Variants in ZNF354B observed in about 807,000 individuals in gnomAD.
ZNF354B encodes zinc finger protein 354B.
Under a neutral mutation model 12.9 loss-of-function variants are expected in ZNF354B, and 10 were observed. The ratio of observed to expected loss-of-function variants is 0.77; its 90% CI spans 0.48 to 1.31. ZNF354B has a LOEUF of 1.31. Among genes scored for constraint, ZNF354B ranks in the 40% most tolerant of loss-of-function variants. The probability of loss-of-function intolerance (pLI) is 0.00; values close to 1 mark genes in which losing one functional copy is unlikely to be tolerated. For missense variants in ZNF354B, 614 were observed against 711.7 expected, an observed-to-expected ratio of 0.86 and a Z score of 1.56; for synonymous variants, 260 against 243.7, an observed-to-expected ratio of 1.07 and a Z score of -0.62.
chr5:178,864,748 G>A (rs1478814232), intron 2 of ZNF354B, among the ~76,000 whole-genome samples: 4 of 151,614 alleles, frequency 2.6e-5, no homozygotes, highest in South Asian at 4.2e-4. Flanking sequence ...TCAACCTCCC[G>A]AGTAGCTGGG....
chr5:178,874,884 T>A (rs1288038676), intron 4 of ZNF354B, among the ~76,000 whole-genome samples: 1 of 152,226 alleles, frequency 6.6e-6, no homozygotes, highest in East Asian at 1.9e-4. Flanking sequence ...TGATGTAATT[T>A]GAGTATAGTC....
At chr5:178,862,659 C>A (rs546541082) in intron 2 of ZNF354B, among the ~76,000 whole-genome samples, 1 of 152,224 alleles carries the variant, frequency 6.6e-6, no homozygotes, top group Non-Finnish European at 1.5e-5. Context: ...TGAGCCGCCG[C>A]GCCTGGCGGC....
chr5:178,868,888 C>T (rs1312987489), intron 4 of ZNF354B, among the ~76,000 whole-genome samples: 3 of 151,142 alleles, frequency 2.0e-5, no homozygotes, highest in Non-Finnish European at 4.4e-5. Flanking sequence ...AGGAGAATGG[C>T]GTGAACCCGG....
intron 4 of ZNF354B, among the ~76,000 whole-genome samples, chr5:178,875,089 C>G (rs1035026765): frequency 1.2e-4 from 19 of 152,112 alleles, no homozygotes. Context: ...CTATGTGACT[C>G]CTCTGTATTT....
chr5:178,866,620 C>G (rs561530310), intron 3 of ZNF354B, among the ~76,000 whole-genome samples: 19 of 152,268 alleles, frequency 1.2e-4, no homozygotes, highest in Non-Finnish European at 2.8e-4. Flanking sequence ...GAAATTCTCT[C>G]ATAGTTCAGG....
At position 178,866,224 on chromosome 5, in the gene ZNF354B, G is replaced by C; in HGVS notation, c.34-20G>C. On this transcript the variant is annotated intron_variant, in intron 2 of 4. Transcript: ENST00000322434. Reference sequence around the variant, plus strand: ...CTGTGAGGGTGGTCCTGGGTGAGCTGGAACGACTTGTCCTTACAGGTGTCA... The same window carrying C: ...CTGTGAGGGTGGTCCTGGGTGAGCTCGAACGACTTGTCCTTACAGGTGTCA... 6.2e-7 allele frequency: 1 copy of C among 1,613,192 alleles called. No individual in the cohort carries two copies. Among genetic ancestry groups the C allele is most frequent in the Non-Finnish European group, 8.5e-7 (1 of 1,179,462 alleles).
chr5:178,879,491 C>T (rs1399936321), intron 4 of ZNF354B, among the ~76,000 whole-genome samples: 2 of 151,578 alleles, frequency 1.3e-5, no homozygotes, highest in Non-Finnish European at 1.5e-5. Flanking sequence ...GCCATTCTCC[C>T]GTCTCAGCCT....
intron 4 of ZNF354B, among the ~76,000 whole-genome samples, chr5:178,872,254 G>A (rs910452320): frequency 1.1e-4 from 16 of 147,072 alleles, no homozygotes; most frequent in Middle Eastern, 3.4e-3. Context: ...AACGTTATGG[G>A]ATTTTTTTTT....
chr5:178,863,364 C>G (rs1488941673), intron 2 of ZNF354B, among the ~76,000 whole-genome samples: 2 of 151,260 alleles, frequency 1.3e-5, no homozygotes, highest in East Asian at 3.9e-4. Context: ...AATAAAAGAC[C>G]ATAAATGTGA....
intron 2 of ZNF354B, 55 bp from the exon 3 acceptor site, chr5:178,866,189 C>T: frequency 1.2e-6 from 2 of 1,601,890 alleles, no homozygotes; most frequent in Non-Finnish European, 1.7e-6. Context: ...CCACTGCCGC[C>T]CCCTCCACTC....
intron 4 of ZNF354B, among the ~76,000 whole-genome samples, chr5:178,880,635 A>C (rs1488339250): frequency 2.0e-5 from 3 of 151,776 alleles, no homozygotes; most frequent in African/African-American, 7.3e-5. Context: ...CCAGGACTGC[A>C]GATGAGTGCC....
At chr5:178,867,186 T>G (rs1286835507) in intron 4 of ZNF354B, 115 bp downstream of exon 4, 2 of 1,026,492 alleles carry the variant, frequency 1.9e-6, no homozygotes, top group African/African-American at 3.2e-5. Context: ...CCTCAAGAAG[T>G]GGTGGGGAAG....
chr5:178,875,789 G>C (rs144004422), intron 4 of ZNF354B, among the ~76,000 whole-genome samples: 2 of 152,158 alleles, frequency 1.3e-5, no homozygotes, highest in African/African-American at 4.8e-5. Context: ...CCCAGATGAA[G>C]GCTTCACTGT....
At chr5:178,875,331 T>A (rs1019802492) in intron 4 of ZNF354B, among the ~76,000 whole-genome samples, 2 of 152,162 alleles carry the variant, frequency 1.3e-5, no homozygotes, top group African/African-American at 4.8e-5. Flanking sequence ...CCTAAAGAGA[T>A]GCAGAACCAC....
chr5:178,865,377 C>T (rs1057023149), intron 2 of ZNF354B, among the ~76,000 whole-genome samples: 2 of 152,118 alleles, frequency 1.3e-5, no homozygotes, highest in African/African-American at 2.4e-5. Context: ...AAGCGATTCT[C>T]CTGCCTCAGC....
Position 178,868,427 on chromosome 5 carries a change from C to T in ZNF354B, c.256+1356C>T, listed in dbSNP as rs201757134. ...TGGCTCTGGGGGATCAAGGTTGAAC[C>T]CTCGCCCACAGCTTTGTATAGCATT... On this transcript the variant is annotated intron_variant, in intron 4 of 4. Transcript: ENST00000322434. Among the ~76,000 whole-genome samples, 7 of 150,594 alleles carry T rather than the reference C, an allele frequency of 4.6e-5. No individual in the cohort carries two copies. In the East Asian group the frequency reaches 1.4e-3, roughly 29 times the overall value.
intron 4 of ZNF354B, 88 bp from the exon 5 acceptor site, chr5:178,882,621 A>T: frequency 1.5e-6 from 2 of 1,352,760 alleles, no homozygotes; most frequent in Non-Finnish European, 2.0e-6. Flanking sequence ...GCAAACCCTT[A>T]CTGAGATACA....
chr5:178,877,843 A>G (rs1757661019), intron 4 of ZNF354B, among the ~76,000 whole-genome samples: 1 of 152,146 alleles, frequency 6.6e-6, no homozygotes, highest in Admixed American at 6.6e-5. Context: ...TAGTTTCCAG[A>G]GTTTCAAAAT....
intron 4 of ZNF354B, among the ~76,000 whole-genome samples, chr5:178,870,857 C>T (rs1032408011): frequency 1.6e-4 from 24 of 152,060 alleles, no homozygotes; most frequent in Admixed American, 1.4e-3. Flanking sequence ...GGAGGTCTTG[C>T]TATGCTGCCC....
Sources: gnomAD v4.1 joint callset for allele counts (sites outside exome capture counted in the v4.1 genomes callset) on GRCh38, gnomAD v4.1.1 for gene constraint, MANE v1.5 for transcripts, NCBI Gene and HGNC (gene_info 2026-07-23, HGNC 2026-07-21) for gene names.